The following CWC22 variants were observed in gnomAD, a reference collection of about 807,000 sequenced individuals.
CWC22 encodes CWC22 spliceosome associated protein, also known as pre-mRNA-splicing factor CWC22 homolog.
Under a neutral mutation model 117.2 loss-of-function variants are expected in CWC22, and 53 were observed. The observed-to-expected ratio is 0.45, with a 90% CI of 0.36 to 0.57. The LOEUF (loss-of-function observed/expected upper bound fraction) is 0.57, where lower values mean the gene tolerates loss of function less well. Ranked by LOEUF, CWC22 falls within the 20% of genes least tolerant of loss-of-function variation. The probability of loss-of-function intolerance (pLI) is 0.00; values close to 1 mark genes in which losing one functional copy is unlikely to be tolerated. For synonymous variants in CWC22, 360 were observed against 355.6 expected (o/e 1.01, Z -0.14); for missense variants, 980 against 1,068.8 (o/e 0.92, Z 1.16).
At chr2:179,950,282 G>A (rs927803221) in intron 19 of CWC22, among the ~76,000 whole-genome samples, 24 of 152,066 alleles carry the variant, frequency 1.6e-4, no homozygotes, top group African/African-American at 5.3e-4. Context: ...AAGTATCTGC[G>A]AATGAAATAT....
At chr2:179,959,502 C>A (rs933165115) in intron 13 of CWC22, among the ~76,000 whole-genome samples, 4 of 152,126 alleles carry the variant, frequency 2.6e-5, no homozygotes, top group Non-Finnish European at 5.9e-5. Context: ...AAACCACCTG[C>A]AGTCATGCAT....
chr2:179,977,229 T>A (rs1360557596), intron 6 of CWC22, among the ~76,000 whole-genome samples: 1 of 152,178 alleles, frequency 6.6e-6, no homozygotes. Flanking sequence ...CTATTGGGTA[T>A]ATATACAAAG....
chr2:179,951,127 A>G (rs1316324824), intron 17 of CWC22, among the ~76,000 whole-genome samples: 1 of 152,038 alleles, frequency 6.6e-6, no homozygotes, highest in African/African-American at 2.4e-5. Flanking sequence ...ACCAAACTTG[A>G]TTTCTATCAT....
At chr2:179,985,240 A>G (rs1687389409) in intron 4 of CWC22, among the ~76,000 whole-genome samples, 1 of 152,080 alleles carries the variant, frequency 6.6e-6, no homozygotes, top group Non-Finnish European at 1.5e-5. Context: ...TCAATTTCAA[A>G]TGACCTGGAA....
chr2:179,996,312 C>T (rs73036160), intron 1 of CWC22, among the ~76,000 whole-genome samples: 1,575 of 151,876 alleles, frequency 0.01, 25 homozygotes, highest in African/African-American at 0.036. Flanking sequence ...ACATATGGAA[C>T]GATGCAAAGA....
chr2:179,972,030 G>A (rs1020860026), intron 8 of CWC22, among the ~76,000 whole-genome samples: 1 of 152,144 alleles, frequency 6.6e-6, no homozygotes, highest in Non-Finnish European at 1.5e-5. Flanking sequence ...TAGTCTAAGT[G>A]TAATACACAT....
At chr2:179,995,279 T>C (rs1687671502) in intron 1 of CWC22, among the ~76,000 whole-genome samples, 1 of 152,178 alleles carries the variant, frequency 6.6e-6, no homozygotes, top group South Asian at 2.1e-4. Flanking sequence ...AGATAAATAA[T>C]TGAGAAAATC....
chr2:179,973,724 T>C lies in CWC22; in HGVS notation c.660A>G (p.Ala220=), dbSNP rs1270150426. The C allele has an allele frequency of 9.3e-6, 15 of 1,610,382 alleles. No individual in the cohort carries two copies. The highest frequency in any genetic ancestry group is 1.3e-5 in the Non-Finnish European group (15 of 1,176,968). ...TTTGTGGAAATTTTGAGTTGATAAT[T>C]GCCACTAATGCTGCATAAACATGGG... The part of the protein sequence containing the change: ...IFTHVYAALV[A]IINSKFPQIG... The change falls in exon 7 of 20, where the codon GCA becomes GCG. Residue 220 remains alanine (A), a synonymous_variant. Coordinates refer to ENST00000410053, the MANE Select transcript of CWC22 (RefSeq NM_020943.3).
intron 13 of CWC22, among the ~76,000 whole-genome samples, chr2:179,960,153 A>C (rs1686710799): frequency 6.6e-6 from 1 of 152,066 alleles, no homozygotes; most frequent in South Asian, 2.1e-4. Flanking sequence ...AGTGTTAGCA[A>C]TATCTTTTCC....
intron 13 of CWC22, among the ~76,000 whole-genome samples, chr2:179,962,329 G>C (rs113526658): frequency 2.6e-4 from 40 of 152,240 alleles, no homozygotes; most frequent in African/African-American, 9.1e-4. Flanking sequence ...GACTGTTTAA[G>C]ATGCCCTCAT....
At position 179,965,863 on chromosome 2, in the gene CWC22, A is replaced by G; in HGVS notation, c.1315+15T>C. 4 of 1,391,640 alleles carry G rather than the reference A, an allele frequency of 2.9e-6. No individual in the cohort carries two copies. The highest frequency in any genetic ancestry group is 4.1e-6 in the Non-Finnish European group (4 of 983,812). 86.2% of individuals were successfully genotyped at this position (1,391,640 alleles called of 1,614,324 possible). A position where few individuals can be genotyped will look rare whatever the true frequency, so the allele number is the denominator to read the frequency against. ...GAGTATCTTATAATATTATTTGAAT[A>G]TGCTACATGTTTACCTTCTTCATCT... On this transcript the variant is annotated intron_variant, in intron 12 of 19. Coordinates refer to ENST00000410053, the MANE Select transcript of CWC22 (RefSeq NM_020943.3).
chr2:179,945,526 C>CA lies in CWC22; in HGVS notation c.2329dup (p.Trp777LeufsTer17). On this transcript the variant is annotated frameshift_variant, in exon 20 of 20. Transcript: ENST00000410053. LOFTEE classifies it high-confidence loss of function. ...TGTGTACTTTGTTATAGGATCTCTC[C>CA]AATTTGAACCACTTGAATTTTGATC... is the stretch of plus-strand genomic sequence containing the variant. 6.2e-7 allele frequency: 1 copy of CA among 1,613,206 alleles called. No individual in the cohort carries two copies. Among genetic ancestry groups the CA allele is most frequent in the Non-Finnish European group, 8.5e-7 (1 of 1,179,440 alleles).
At chr2:180,001,211 T>C (rs988900700) in intron 1 of CWC22, among the ~76,000 whole-genome samples, 13 of 152,336 alleles carry the variant, frequency 8.5e-5, no homozygotes, top group South Asian at 2.1e-4. Context: ...TAAAAATAAA[T>C]TATGATATTT....
intron 1 of CWC22, among the ~76,000 whole-genome samples, chr2:180,004,085 G>C (rs924272556): frequency 6.6e-6 from 1 of 152,096 alleles, no homozygotes; most frequent in African/African-American, 2.4e-5. Flanking sequence ...AGGGAAATTC[G>C]ACAAGGGAGG....
chr2:179,948,015 A>G (rs1686353367), intron 19 of CWC22, among the ~76,000 whole-genome samples: 1 of 152,244 alleles, frequency 6.6e-6, no homozygotes, highest in Non-Finnish European at 1.5e-5. Context: ...ACTGTGAACC[A>G]GATCAAACTT....
At chr2:179,990,786 G>A (rs1687545283) in intron 2 of CWC22, among the ~76,000 whole-genome samples, 1 of 152,206 alleles carries the variant, frequency 6.6e-6, no homozygotes, top group Non-Finnish European at 1.5e-5. Flanking sequence ...AAGTTGTGAA[G>A]AAGGATTTCA....
chr2:179,973,317 C>T lies in CWC22; in HGVS notation c.751-71G>A, dbSNP rs184827692. 926 of 1,014,436 alleles carry T rather than the reference C, an allele frequency of 9.1e-4. 3 individuals carry two copies. The African/African-American group carries it at 0.014, about 15-fold the overall frequency. The allele number at this position is 1,014,436 out of a possible 1,614,324, so 62.8% of individuals were successfully genotyped here. The stretch of plus-strand genomic sequence containing the variant: ...TTCATTTATTTACATAATCTATGGC[C>T]TACTAACATCATCTATTTAAAACAT... On this transcript the variant is annotated intron_variant, in intron 7 of 19. Coordinates refer to ENST00000410053, the MANE Select transcript of CWC22 (RefSeq NM_020943.3).
At chr2:179,978,616 C>A (rs1481233330) in intron 5 of CWC22, among the ~76,000 whole-genome samples, 2 of 151,836 alleles carry the variant, frequency 1.3e-5, no homozygotes, top group Non-Finnish European at 2.9e-5. Context: ...ATTTATTAGT[C>A]AAATTCAATA....
chr2:179,964,418 G>A, intron 13 of CWC22, 129 bp downstream of exon 13: 1 of 536,884 alleles, frequency 1.9e-6, no homozygotes, highest in Non-Finnish European at 3.3e-6. Flanking sequence ...CATGGGATGG[G>A]GGAGAGAGTC....
Sources: allele counts gnomAD v4.1 joint callset (sites outside exome capture counted in the v4.1 genomes callset), GRCh38; gene constraint gnomAD v4.1.1; transcripts MANE v1.5; gene names NCBI Gene and HGNC (gene_info 2026-07-23, HGNC 2026-07-21).